The following ZNF438 variants were observed in gnomAD, a reference collection of about 807,000 sequenced individuals.
ZNF438 encodes zinc finger protein 438.
A neutral mutation model predicts 38.0 loss-of-function variants in ZNF438; 25 were observed. That is an observed-to-expected ratio of 0.66 (90% confidence interval 0.48 to 0.92). The LOEUF (loss-of-function observed/expected upper bound fraction) is 0.92, where lower values mean the gene tolerates loss of function less well. Ranked by LOEUF, ZNF438 falls within the 40% of genes least tolerant of loss-of-function variation. The pLI is 0.00. For missense variants in ZNF438, 1,007 were observed against 999.6 expected (o/e 1.01, Z -0.10); for synonymous variants, 372 against 364.1 (o/e 1.02, Z -0.25).
chr10:30,881,721 T>C (rs1656509417), intron 3 of ZNF438, among the ~76,000 whole-genome samples: 3 of 152,060 alleles, frequency 2.0e-5, no homozygotes, highest in African/African-American at 7.2e-5. Flanking sequence ...GCTACTTTAG[T>C]TTCAAGAAAG....
chr10:30,868,167 T>G (rs2036789714), intron 4 of ZNF438, among the ~76,000 whole-genome samples: 1 of 152,044 alleles, frequency 6.6e-6, no homozygotes, highest in African/African-American at 2.4e-5. Flanking sequence ...TCTCCCCAGT[T>G]CAAGCAATTC....
At chr10:30,844,751 A>G in exon 6 of ZNF438, 1 of 570,838 alleles carries the variant, frequency 1.8e-6, no homozygotes, top group South Asian at 2.7e-5. Context: ...TACGTATTTT[A>G]AAATAAGACT....
chr10:30,885,019 A>G (rs1294949388), intron 3 of ZNF438, among the ~76,000 whole-genome samples: 1 of 152,248 alleles, frequency 6.6e-6, no homozygotes, highest in Non-Finnish European at 1.5e-5. Context: ...CCAGTCACAG[A>G]GTTGCGATGT....
chr10:30,847,912 T>C (rs2032635769), intron 5 of ZNF438, among the ~76,000 whole-genome samples: 1 of 152,164 alleles, frequency 6.6e-6, no homozygotes, highest in Non-Finnish European at 1.5e-5. Context: ...TCTAGGCCGG[T>C]AGCATGAGCT....
chr10:30,949,415 G>C (rs938531329), intron 1 of ZNF438, among the ~76,000 whole-genome samples: 11 of 152,172 alleles, frequency 7.2e-5, no homozygotes, highest in African/African-American at 2.7e-4. Flanking sequence ...AACTTTAAAT[G>C]TAAATGGACT....
intron 3 of ZNF438, among the ~76,000 whole-genome samples, chr10:30,895,394 T>C (rs922629227): frequency 7.9e-5 from 12 of 152,344 alleles, no homozygotes; most frequent in South Asian, 2.1e-4. Flanking sequence ...AAATATTTCA[T>C]TACATTTTGT....
chr10:30,890,083 CAAA>C (rs71863439), intron 3 of ZNF438, among the ~76,000 whole-genome samples: 208 of 93,374 alleles, frequency 2.2e-3, no homozygotes, highest in African/African-American at 7.4e-3. Context: ...TTGGCATTTC[CAAA>C]AAAAAAAAAA....
Position 30,888,432 on chromosome 10 carries a change from G to A in ZNF438, c.-31-11367C>T, listed in dbSNP as rs2040244886. On this transcript the variant is annotated intron_variant, in intron 3 of 5. Coordinates refer to ENST00000413025, the Ensembl canonical transcript of ZNF438. ...GAGTTTGATATATAGGTAAACTCAT[G>A]TCATGGGAGTCTGCTGTACAGATTA... Among the ~76,000 whole-genome samples, 5 of 151,872 alleles carry A rather than the reference G, an allele frequency of 3.3e-5. No individual in the cohort carries two copies. The South Asian group carries it at 1.0e-3, about 31-fold the overall frequency.
rs116326181 is a variant in ZNF438 at position 30,902,912 on chromosome 10, G to T, written c.-32+6021C>A. On this transcript the variant is annotated intron_variant, in intron 3 of 5. Coordinates refer to ENST00000413025, the Ensembl canonical transcript of ZNF438. The stretch of plus-strand genomic sequence containing the variant: ...GTGCAGGAGCCCATGGCAGAGCGGG[G>T]AGACTCAGGCATGTCGGGCTGCAGG... 5.9e-3 allele frequency among the ~76,000 whole-genome samples: 900 copies of T among 152,352 alleles called. 8 individuals carry two copies. Among genetic ancestry groups the T allele is most frequent in the African/African-American group, 0.021 (867 of 41,582 alleles).
intron 4 of ZNF438, among the ~76,000 whole-genome samples, chr10:30,864,436 C>T (rs2036091394): frequency 6.6e-6 from 1 of 152,188 alleles, no homozygotes; most frequent in Non-Finnish European, 1.5e-5. Context: ...AGCTGCTCAG[C>T]TCCATGTGAT....
At chr10:30,845,174 C>G in exon 6 of ZNF438, 8 of 1,614,202 alleles carry the variant, frequency 5.0e-6, no homozygotes, top group Non-Finnish European at 6.8e-6. Context: ...ACTCAGGGCC[C>G]TGGCAGGTTT....
At chr10:30,985,522 A>C (rs2052672427) in intron 1 of ZNF438, among the ~76,000 whole-genome samples, 1 of 152,214 alleles carries the variant, frequency 6.6e-6, no homozygotes, top group South Asian at 2.1e-4. Context: ...CAACCAGAAA[A>C]ATCAGTTAAT....
intron 4 of ZNF438, among the ~76,000 whole-genome samples, chr10:30,867,105 T>C (rs2036574225): frequency 6.6e-6 from 1 of 152,170 alleles, no homozygotes; most frequent in African/African-American, 2.4e-5. Flanking sequence ...TTTGGCATAG[T>C]ATCAAAGAAA....
chr10:30,994,475 T>TAA (rs1310038622), intron 1 of ZNF438, among the ~76,000 whole-genome samples: 3 of 152,196 alleles, frequency 2.0e-5, no homozygotes, highest in African/African-American at 7.2e-5. Context: ...CATCTGTTTA[T>TAA]AAAATCCAGT....
intron 2 of ZNF438, among the ~76,000 whole-genome samples, chr10:30,935,298 T>G (rs1310875565): frequency 6.6e-6 from 1 of 152,220 alleles, no homozygotes; most frequent in Non-Finnish European, 1.5e-5. Context: ...AAAAACAGCC[T>G]TCTTTGGCTC....
chr10:30,948,037 C>T (rs113291917), intron 1 of ZNF438, among the ~76,000 whole-genome samples: 11 of 151,938 alleles, frequency 7.2e-5, no homozygotes, highest in African/African-American at 1.4e-4. Context: ...TTGGCTCCTC[C>T]GCAGCTGGAG....
At chr10:31,020,591 A>G (rs1483105150) in intron 1 of ZNF438, among the ~76,000 whole-genome samples, 1 of 152,058 alleles carries the variant, frequency 6.6e-6, no homozygotes, top group Non-Finnish European at 1.5e-5. Context: ...TACATTTTAA[A>G]TTCCTTTCTG....
intron 2 of ZNF438, among the ~76,000 whole-genome samples, chr10:30,913,329 A>G (rs1446512436): frequency 3.3e-5 from 5 of 151,964 alleles, no homozygotes; most frequent in African/African-American, 1.2e-4. Flanking sequence ...CTCTCAGCCC[A>G]TTCTCCACTT....
At chr10:30,930,241 G>A (rs73252621) in intron 2 of ZNF438, among the ~76,000 whole-genome samples, 1,824 of 152,170 alleles carry the variant, frequency 0.012, 40 homozygotes, top group African/African-American at 0.041. Flanking sequence ...GCTGAGACCC[G>A]GCAAGAATTC....
Sources: gnomAD v4.1 joint callset for allele counts (sites outside exome capture counted in the v4.1 genomes callset) on GRCh38, gnomAD v4.1.1 for gene constraint, MANE v1.5 for transcripts, NCBI Gene and HGNC (gene_info 2026-07-23, HGNC 2026-07-21) for gene names.